Variants in TAL1 observed in about 807,000 individuals in gnomAD.
TAL1 encodes T-cell acute lymphocytic leukemia protein 1.
In TAL1, 8 loss-of-function variants were observed where a neutral mutation model predicts 17.9. That is an observed-to-expected ratio of 0.45 (90% CI 0.26 to 0.81). The LOEUF is 0.81. Among genes scored for constraint, TAL1 ranks in the 30% least tolerant of loss-of-function variants. The pLI is 0.17. For synonymous variants in TAL1, 223 were observed against 218.6 expected, an observed-to-expected ratio of 1.02 and a Z score of -0.18; for missense variants, 466 against 486.9, an observed-to-expected ratio of 0.96 and a Z score of 0.40.
chr1:47,225,682 G>C (rs1180471921), exon 2 of TAL1: 1 of 1,424,354 alleles, frequency 7.0e-7, no homozygotes, highest in Non-Finnish European at 9.1e-7. Context: ...CTCTCGCGGC[G>C]CCGCCCCCAC....
chr1:47,216,411 C>T lies in TAL1; in HGVS notation c.*3309G>A, dbSNP rs1000285429. 2.2e-5 allele frequency: 5 copies of T among 228,030 alleles called. 1 individual carries two copies. The highest frequency in any genetic ancestry group is 1.1e-4 in the African/African-American group (5 of 45,044). The allele number at this position is 228,030 out of a possible 1,614,324, so 14.1% of individuals were successfully genotyped here. A position where few individuals can be genotyped will look rare whatever the true frequency, so the allele number is the denominator to read the frequency against. ...CACACCCACAGTGTTGGCCTCTGGG[C>T]TGTACAAAGGTCAAGGTACCTGGAG... On this transcript the variant is annotated 3_prime_UTR_variant, in exon 4 of 4. Coordinates refer to ENST00000294339, the Ensembl canonical transcript of TAL1.
exon 4 of TAL1, chr1:47,217,973 G>A: frequency 2.6e-6 from 1 of 389,552 alleles, no homozygotes; most frequent in Non-Finnish European, 4.5e-6. Context: ...GTTGCCCCAA[G>A]CTCGAGAATT....
exon 4 of TAL1, chr1:47,216,761 A>G (rs1645503208): frequency 4.3e-6 from 1 of 231,364 alleles, no homozygotes; most frequent in Non-Finnish European, 8.5e-6. Context: ...GATTCCCTTC[A>G]GTGGTTATGG....
At chr1:47,224,317 G>A (rs1643876060) in intron 2 of TAL1, among the ~76,000 whole-genome samples, 1 of 151,548 alleles carries the variant, frequency 6.6e-6, no homozygotes, top group African/African-American at 2.4e-5. Context: ...GGGAGGAAAA[G>A]ACACCTAACC....
intron 3 of TAL1, chr1:47,223,464 G>A (rs1003231885): frequency 6.6e-6 from 1 of 152,636 alleles, no homozygotes; most frequent in Non-Finnish European, 1.5e-5. Context: ...GGGAACTCCA[G>A]GTCTAAGCCC....
exon 1 of TAL1, chr1:47,229,328 C>T (rs1042178275): frequency 5.0e-6 from 1 of 199,134 alleles, no homozygotes; most frequent in Non-Finnish European, 1.0e-5. Context: ...CCTGCAGTTA[C>T]GCTGCGGTGT....
chr1:47,225,915 G>C, intron 1 of TAL1, 26 bp from the exon 3 acceptor site: 1 of 1,564,524 alleles, frequency 6.4e-7, no homozygotes, highest in Non-Finnish European at 8.6e-7. Flanking sequence ...CAGACAAGCG[G>C]ATGCCCGCTC....
At chr1:47,226,615 G>A (rs188731685) in intron 1 of TAL1, among the ~76,000 whole-genome samples, 22 of 152,280 alleles carry the variant, frequency 1.4e-4, no homozygotes, top group East Asian at 5.8e-4. Context: ...TCCTCTGCCC[G>A]CCCAGCGGAT....
exon 4 of TAL1, chr1:47,217,830 T>C (rs1645529150): frequency 2.5e-6 from 1 of 398,182 alleles, no homozygotes; most frequent in Non-Finnish European, 4.4e-6. Flanking sequence ...GCAATGACTC[T>C]ATCTTTAGAC....
chr1:47,223,745 G>A (rs879767031), intron 3 of TAL1: 24 of 426,248 alleles, frequency 5.6e-5, no homozygotes, highest in Non-Finnish European at 8.9e-5. Flanking sequence ...TAACTCCAGA[G>A]GTTTGGGCTA....
exon 4 of TAL1, chr1:47,217,957 A>T (rs2148582799): frequency 2.5e-6 from 1 of 394,064 alleles, no homozygotes; most frequent in African/African-American, 2.1e-5. Flanking sequence ...TACAAAGGTG[A>T]ACAATGTTGC....
exon 1 of TAL1, chr1:47,229,230 T>C (rs1643963792): frequency 5.1e-6 from 1 of 197,250 alleles, no homozygotes; most frequent in African/African-American, 2.3e-5. Context: ...CCCCTCTGAA[T>C]AGGATCTCCA....
At chr1:47,230,655 A>C (rs1342973559), upstream of TAL1, 1 of 152,196 alleles carries the variant, frequency 6.6e-6, no homozygotes, top group Non-Finnish European at 1.5e-5. Context: ...TAGCGGAAAA[A>C]AACCCGCTGC....
At chr1:47,225,962 T>C in intron 1 of TAL1, 73 bp from the exon 3 acceptor site, 1 of 1,402,136 alleles carries the variant, frequency 7.1e-7, no homozygotes, top group South Asian at 1.3e-5. Flanking sequence ...TGGGCTGGGG[T>C]AAAGGGGAGA....
intron 1 of TAL1, chr1:47,228,004 T>G (rs1298295852): frequency 6.6e-6 from 1 of 152,288 alleles, no homozygotes; most frequent in Non-Finnish European, 1.5e-5. Context: ...AGCTCTGTTA[T>G]GACACATTTT....
intron 2 of TAL1, 30 bp downstream of exon 3, chr1:47,225,413 G>A (rs930082611): frequency 2.5e-6 from 3 of 1,199,712 alleles, no homozygotes; most frequent in South Asian, 4.2e-5. Flanking sequence ...CACCCGCCCA[G>A]CCCCTGGCCC....
exon 4 of TAL1, chr1:47,219,854 T>C: frequency 6.3e-7 from 1 of 1,598,266 alleles, no homozygotes; most frequent in Non-Finnish European, 8.5e-7. Flanking sequence ...CAGCTGGAGT[T>C]GGGGGAAAGC....
In TAL1 at chr1:47,224,091, A is replaced by G. The variant is rs1643873153; in HGVS notation, c.454T>C (p.Phe152Leu). Residue 152 changes from phenylalanine to leucine, a missense_variant, in exon 3 of 4, where the codon TTT becomes CTT. Around this residue, in one of 5 missense-constraint regions of TAL1, gnomAD observed 158 missense variants for 151.7 expected, o/e 1.04. Coordinates refer to ENST00000294339, the Ensembl canonical transcript of TAL1. ...ATAGGGAAGGCATCCGGCTCCCCAAAGAACCCGCTGTGGGAGGGAACGGGC... is the reference window on the plus strand; with the variant it reads ...ATAGGGAAGGCATCCGGCTCCCCAAGGAACCCGCTGTGGGAGGGAACGGGC... 5.6e-6 allele frequency: 9 copies of G among 1,613,844 alleles called. No homozygotes were observed. The East Asian group carries it at 2.0e-4, about 36-fold the overall frequency.
exon 4 of TAL1, chr1:47,216,858 C>T (rs951879972): frequency 4.3e-6 from 1 of 231,414 alleles, no homozygotes; most frequent in African/African-American, 2.2e-5. Flanking sequence ...GGAATGTTGC[C>T]AGTTTTTCAT....
Sources: gnomAD v4.1 joint callset for allele counts (sites outside exome capture counted in the v4.1 genomes callset) on GRCh38, gnomAD v4.1.1 for gene constraint, gnomAD v4.1.1 regional missense constraint, MANE v1.5 for transcripts, NCBI Gene and HGNC (gene_info 2026-07-23, HGNC 2026-07-21) for gene names.